The following DPP6 variants were observed in gnomAD, a reference collection of about 807,000 sequenced individuals.
DPP6 encodes the protein A-type potassium channel modulatory protein DPP6.
Under a neutral mutation model 122.6 loss-of-function variants are expected in DPP6, and 69 were observed. The ratio of observed to expected loss-of-function variants is 0.56; its 90% CI spans 0.46 to 0.69. DPP6 has a LOEUF of 0.69. Ranked by LOEUF, DPP6 falls within the 30% of genes least tolerant of loss-of-function variation. The pLI is 0.00. For synonymous variants in DPP6, 418 were observed against 433.1 expected, an observed-to-expected ratio of 0.97 and a Z score of 0.43; for missense variants, 928 against 1,116.9, an observed-to-expected ratio of 0.83 and a Z score of 2.41.
chr7:154,704,494 C>T (rs1840713228), intron 7 of DPP6, among the ~76,000 whole-genome samples: 1 of 152,156 alleles, frequency 6.6e-6, no homozygotes, highest in Non-Finnish European at 1.5e-5. Flanking sequence ...TTGGGTGCTA[C>T]AGGAAAGCTT....
intron 7 of DPP6, among the ~76,000 whole-genome samples, chr7:154,714,090 A>T (rs1841346732): frequency 6.6e-6 from 1 of 152,156 alleles, no homozygotes; most frequent in South Asian, 2.1e-4. Flanking sequence ...TCAGTTCCCA[A>T]CAAGTTCCTT....
intron 1 of DPP6, among the ~76,000 whole-genome samples, chr7:154,150,852 A>G (rs528637603): frequency 1.3e-5 from 2 of 152,262 alleles, no homozygotes; most frequent in Non-Finnish European, 2.9e-5. Context: ...TGCTTTCCCC[A>G]CCAGGATTCA....
In DPP6 at chr7:154,760,316, A is replaced by G. The variant is rs1367209328; in HGVS notation, c.884-9101A>G. 1.3e-5 allele frequency among the ~76,000 whole-genome samples: 2 copies of G among 151,988 alleles called. No individual in the cohort carries two copies. Among genetic ancestry groups the G allele is most frequent in the Non-Finnish European group, 2.9e-5 (2 of 68,008 alleles). On this transcript the variant is annotated intron_variant, in intron 8 of 25. Transcript: ENST00000377770. This position sits in a 1 kb window ranked among gnomAD's most constrained non-coding sequence, Gnocchi z 4.5. ...CAGCACACACAATTATTTCTTCACGATTACTCATGGGCTGTGTGTGCAAAT... is the reference window on the plus strand; with the variant it reads ...CAGCACACACAATTATTTCTTCACGGTTACTCATGGGCTGTGTGTGCAAAT...
chr7:154,884,243 TCA>T (rs1805855128), intron 21 of DPP6: 1 of 133,816 alleles, frequency 7.5e-6, no homozygotes, highest in African/African-American at 2.9e-5. Flanking sequence ...ACACACATGC[TCA>T]CAAATTACAT....
At chr7:154,228,206 G>A (rs1800720408) in intron 1 of DPP6, among the ~76,000 whole-genome samples, 1 of 152,118 alleles carries the variant, frequency 6.6e-6, no homozygotes, top group South Asian at 2.1e-4. Flanking sequence ...AAAACAATTT[G>A]GAGTGACTTT....
At chr7:154,785,890 T>A (rs751568576) in intron 10 of DPP6, among the ~76,000 whole-genome samples, 3 of 152,354 alleles carry the variant, frequency 2.0e-5, no homozygotes, top group South Asian at 2.1e-4. Flanking sequence ...TTACCTGAAA[T>A]ATTTAATTTT....
intron 1 of DPP6, among the ~76,000 whole-genome samples, chr7:154,445,950 G>A (rs1037042193): frequency 6.6e-6 from 1 of 152,196 alleles, no homozygotes; most frequent in Non-Finnish European, 1.5e-5. Flanking sequence ...TTGCACAAAA[G>A]CTGCAAACAT....
chr7:154,074,875 A>C (rs1333904390), intron 1 of DPP6, among the ~76,000 whole-genome samples: 1 of 151,566 alleles, frequency 6.6e-6, no homozygotes, highest in Non-Finnish European at 1.5e-5. Flanking sequence ...GTGTTGTCAA[A>C]GCGGGAGAAA....
chr7:153,846,873 T>G, the DPP6 span, among the ~76,000 whole-genome samples: 98 of 152,030 alleles, frequency 6.4e-4, no homozygotes, highest in African/African-American at 2.2e-3. Flanking sequence ...CTTTGTATTT[T>G]TTTTTAGTAG....
intron 2 of DPP6, among the ~76,000 whole-genome samples, chr7:154,448,183 A>C (rs918449543): frequency 2.0e-5 from 3 of 152,174 alleles, no homozygotes; most frequent in African/African-American, 4.8e-5. Flanking sequence ...AGAAAATCTT[A>C]AGGAATCCAC....
intron 1 of DPP6, among the ~76,000 whole-genome samples, chr7:154,330,745 GCT>G (rs1808856340): frequency 1.3e-5 from 2 of 152,242 alleles, no homozygotes; most frequent in Non-Finnish European, 2.9e-5. Flanking sequence ...CTAGCAGGCA[GCT>G]TGGCAAGAAG....
chr7:153,780,201 A>T, the DPP6 span, among the ~76,000 whole-genome samples: 1 of 152,194 alleles, frequency 6.6e-6, no homozygotes, highest in African/African-American at 2.4e-5. Context: ...TTGCAAACCA[A>T]GAAAGCAGCA....
chr7:154,891,459 A>T (rs891349517), intron 25 of DPP6, among the ~76,000 whole-genome samples: 1 of 152,104 alleles, frequency 6.6e-6, no homozygotes, highest in African/African-American at 2.4e-5. Flanking sequence ...GGAGTCTGTG[A>T]TTATCCTCCC....
chr7:154,231,245 C>T (rs1411385594), intron 1 of DPP6, among the ~76,000 whole-genome samples: 1 of 152,106 alleles, frequency 6.6e-6, no homozygotes, highest in African/African-American at 2.4e-5. Flanking sequence ...ATAGAGATGG[C>T]TAGCATGACT....
At chr7:154,861,005 A>G (rs1803344771) in intron 17 of DPP6, among the ~76,000 whole-genome samples, 1 of 152,224 alleles carries the variant, frequency 6.6e-6, no homozygotes, top group Admixed American at 6.5e-5. Context: ...ATGTTAAAAG[A>G]AAAAAAATTT....
intron 1 of DPP6, among the ~76,000 whole-genome samples, chr7:154,137,638 T>TGGTGGGGGG (rs1795622571): frequency 2.8e-4 from 2 of 7,126 alleles, no homozygotes; most frequent in Non-Finnish European, 5.5e-4. Context: ...CAGGAGGAGA[T>TGGTGGGGGG]GGTGGGGGGG....
At chr7:154,084,989 C>CAAAAAAAAA (rs370222780) in intron 1 of DPP6, among the ~76,000 whole-genome samples, 2 of 78,428 alleles carry the variant, frequency 2.6e-5, no homozygotes, top group African/African-American at 5.3e-5. Context: ...GACTCCGTCT[C>CAAAAAAAAA]AAAAAAAAAA....
At chr7:153,936,425 C>A (rs1417805794) in intron 1 of DPP6, among the ~76,000 whole-genome samples, 4 of 152,154 alleles carry the variant, frequency 2.6e-5, no homozygotes, top group Non-Finnish European at 5.9e-5. Flanking sequence ...CACCCCACGG[C>A]CTCCACCTCT....
intron 6 of DPP6, among the ~76,000 whole-genome samples, 167 bp from the exon 7 acceptor site, chr7:154,669,193 G>A (rs1586852837): frequency 6.6e-6 from 1 of 152,202 alleles, no homozygotes; most frequent in East Asian, 1.9e-4. Flanking sequence ...AAACCTAATA[G>A]AGACTAAATG....
Sources: allele counts gnomAD v4.1 joint callset (sites outside exome capture counted in the v4.1 genomes callset), GRCh38; gene constraint gnomAD v4.1.1; non-coding constraint Gnocchi (gnomAD v3.1); transcripts MANE v1.5; gene names NCBI Gene and HGNC (gene_info 2026-07-23, HGNC 2026-07-21).